ZMAT4: variants seen among roughly 807,000 people sequenced by gnomAD.
The protein encoded by ZMAT4 is zinc finger matrin-type 4.
A neutral mutation model predicts 28.7 loss-of-function variants in ZMAT4; 17 were observed. That is an observed-to-expected ratio of 0.59 (90% confidence interval 0.41 to 0.89). The LOEUF (loss-of-function observed/expected upper bound fraction) is 0.89. ZMAT4 is among the 40% of genes least tolerant of loss of function. The pLI, the probability that ZMAT4 is intolerant of heterozygous loss-of-function variation, is 0.00. For missense variants in ZMAT4, 240 were observed against 283.8 expected (o/e 0.85, Z 1.11); for synonymous variants, 117 against 109.2 (o/e 1.07, Z -0.44).
chr8:40,809,254 A>G (rs1361625341), intron 2 of ZMAT4, among the ~76,000 whole-genome samples: 1 of 152,198 alleles, frequency 6.6e-6, no homozygotes, highest in Non-Finnish European at 1.5e-5. Context: ...CTAAACACTG[A>G]GTACACATGG....
At chr8:40,754,064 C>G (rs113866008) in intron 3 of ZMAT4, among the ~76,000 whole-genome samples, 2 of 151,504 alleles carry the variant, frequency 1.3e-5, no homozygotes, top group Non-Finnish European at 2.9e-5. Flanking sequence ...CTCAGCTACT[C>G]GGGAGGCTGA....
intron 5 of ZMAT4, among the ~76,000 whole-genome samples, chr8:40,611,526 G>C (rs1482820448): frequency 3.9e-5 from 6 of 152,138 alleles, no homozygotes; most frequent in Admixed American, 1.3e-4. Context: ...ATTTTTAGTA[G>C]AGATGGGGTT....
chr8:40,795,806 T>C (rs1414726817), intron 2 of ZMAT4, among the ~76,000 whole-genome samples: 1 of 152,228 alleles, frequency 6.6e-6, no homozygotes. Flanking sequence ...AGGGATGTTT[T>C]ATATTCCATT....
intron 3 of ZMAT4, among the ~76,000 whole-genome samples, chr8:40,736,512 T>C (rs968714696): frequency 1.3e-5 from 2 of 152,144 alleles, no homozygotes; most frequent in Non-Finnish European, 2.9e-5. Flanking sequence ...AAAAGTACCA[T>C]ATAAGCACTT....
intron 1 of ZMAT4, among the ~76,000 whole-genome samples, chr8:40,831,422 A>G (rs189093836): frequency 5.1e-4 from 78 of 152,250 alleles, no homozygotes; most frequent in Admixed American, 4.3e-3. Context: ...CATTCAAAAT[A>G]TGGCAGAGGG....
At chr8:40,810,488 TTG>T (rs1477654775) in intron 2 of ZMAT4, among the ~76,000 whole-genome samples, 1 of 152,180 alleles carries the variant, frequency 6.6e-6, no homozygotes, top group Non-Finnish European at 1.5e-5. Flanking sequence ...AAAGAACGAA[TTG>T]TAAATGGTGG....
At chr8:40,732,265 G>GA (rs2150527099) in intron 3 of ZMAT4, among the ~76,000 whole-genome samples, 1 of 142,198 alleles carries the variant, frequency 7.0e-6, no homozygotes, top group Non-Finnish European at 1.6e-5. Context: ...GGGAAAAAAA[G>GA]AAAAAAAGAC....
intron 1 of ZMAT4, among the ~76,000 whole-genome samples, chr8:40,831,385 CA>C (rs1816274721): frequency 6.6e-6 from 1 of 152,150 alleles, no homozygotes; most frequent in Admixed American, 6.5e-5. Context: ...ACCTGCTTCC[CA>C]GGGGGATGCA....
chr8:40,864,974 GC>G (rs1156944994), intron 1 of ZMAT4, among the ~76,000 whole-genome samples: 4 of 152,130 alleles, frequency 2.6e-5, no homozygotes, highest in Non-Finnish European at 5.9e-5. Context: ...TAGGAAGTCA[GC>G]TTTTTAAATA....
At chr8:40,824,910 C>T (rs770790309) in intron 2 of ZMAT4, among the ~76,000 whole-genome samples, 1 of 152,164 alleles carries the variant, frequency 6.6e-6, no homozygotes, top group African/African-American at 2.4e-5. Flanking sequence ...TCCTCATCCT[C>T]GGACACAGGC....
intron 1 of ZMAT4, among the ~76,000 whole-genome samples, chr8:40,883,166 T>A (rs779399794): frequency 6.6e-6 from 1 of 152,116 alleles, no homozygotes; most frequent in East Asian, 1.9e-4. Flanking sequence ...ATGCTGTGTG[T>A]CCCTTCAGCC....
intron 2 of ZMAT4, among the ~76,000 whole-genome samples, chr8:40,820,895 G>A (rs1423765140): frequency 1.4e-5 from 1 of 73,784 alleles, no homozygotes; most frequent in Non-Finnish European, 2.8e-5. Context: ...ATGTGTTTAT[G>A]TGTGTGTTTG....
intron 3 of ZMAT4, among the ~76,000 whole-genome samples, chr8:40,710,035 C>T (rs181864968): frequency 5.3e-4 from 63 of 118,550 alleles, no homozygotes; most frequent in Admixed American, 5.1e-3. Context: ...GAGACCCAGT[C>T]TCAAAAAAAA....
intron 5 of ZMAT4, among the ~76,000 whole-genome samples, chr8:40,647,092 C>T (rs141505906): frequency 6.6e-6 from 1 of 152,148 alleles, no homozygotes; most frequent in Non-Finnish European, 1.5e-5. Context: ...CTAATAGGAA[C>T]AGCTCCGGTC....
intron 3 of ZMAT4, among the ~76,000 whole-genome samples, chr8:40,721,059 T>C (rs1811066524): frequency 6.7e-6 from 1 of 150,324 alleles, no homozygotes; most frequent in African/African-American, 2.5e-5. Flanking sequence ...ACATGTGCCA[T>C]GCTGGTGCAC....
chr8:40,711,962 T>C (rs904435843), intron 3 of ZMAT4, among the ~76,000 whole-genome samples: 4 of 152,220 alleles, frequency 2.6e-5, no homozygotes, highest in African/African-American at 9.7e-5. Flanking sequence ...GGTTTTATTT[T>C]CTAATAAAAG....
chr8:40,868,173 A>G (rs1258330450), intron 1 of ZMAT4, among the ~76,000 whole-genome samples: 1 of 152,192 alleles, frequency 6.6e-6, no homozygotes, highest in Non-Finnish European at 1.5e-5. Flanking sequence ...TTGCAAGTGT[A>G]TTTACATGGA....
intron 5 of ZMAT4, among the ~76,000 whole-genome samples, chr8:40,645,706 T>C (rs1211164781): frequency 6.6e-6 from 1 of 152,124 alleles, no homozygotes; most frequent in Non-Finnish European, 1.5e-5. Flanking sequence ...CTGAGATTCA[T>C]ACAGAGAGGT....
intron 3 of ZMAT4, among the ~76,000 whole-genome samples, chr8:40,729,828 A>C (rs1476777678): frequency 6.6e-6 from 1 of 152,092 alleles, no homozygotes. Context: ...CAATCTCTTG[A>C]CCTTGTGATC....
Sources: allele counts gnomAD v4.1 joint callset (sites outside exome capture counted in the v4.1 genomes callset), GRCh38; gene constraint gnomAD v4.1.1; transcripts MANE v1.5; gene names NCBI Gene and HGNC (gene_info 2026-07-23, HGNC 2026-07-21).